FLNB: variants seen among roughly 807,000 people sequenced by gnomAD.
FLNB encodes the protein filamin-B.
A neutral mutation model predicts 250.6 loss-of-function variants in FLNB; 111 were observed. The observed-to-expected ratio is 0.44, with a 90% CI of 0.38 to 0.52. FLNB has a LOEUF of 0.52. Ranked by LOEUF, FLNB falls within the 20% of genes least tolerant of loss-of-function variation. The pLI is 0.00. For missense variants in FLNB, 2,869 were observed against 3,447.8 expected (o/e 0.83, Z 4.20); for synonymous variants, 1,302 against 1,372.1 (o/e 0.95, Z 1.13).
intron 19 of FLNB, among the ~76,000 whole-genome samples, chr3:58,119,934 A>G (rs116325854): frequency 9.2e-5 from 14 of 152,172 alleles, no homozygotes; most frequent in African/African-American, 3.1e-4. Flanking sequence ...CTCGGGAATC[A>G]TTCACTCCTA....
chr3:58,118,366 C>T (rs1486341610), intron 18 of FLNB, among the ~76,000 whole-genome samples: 1 of 152,080 alleles, frequency 6.6e-6, no homozygotes, highest in Non-Finnish European at 1.5e-5. Context: ...GGTGAGTGGC[C>T]CCAGGCCCAG....
At position 58,111,853 on chromosome 3, in the gene FLNB, G is replaced by A; in HGVS notation, c.2547G>A (p.Lys849=). ...CTTCCCACGATGCCAGCAAAGTGAA[G>A]GCAGAAGGCCCAGGGCTCAGCAAAG... ...VDPSHDASKV[K]AEGPGLSKAG... Residue 849 remains lysine, a synonymous_variant, in exon 17 of 46, where the codon AAG becomes AAA. Coordinates refer to ENST00000295956, the MANE Select transcript of FLNB (RefSeq NM_001457.4). 6.2e-7 allele frequency: 1 copy of A among 1,614,160 alleles called. No homozygotes were observed. The highest frequency in any genetic ancestry group is 8.5e-7 in the Non-Finnish European group (1 of 1,180,008).
intron 1 of FLNB, among the ~76,000 whole-genome samples, chr3:58,023,128 T>A (rs1402149505): frequency 3.4e-5 from 5 of 148,580 alleles, no homozygotes; most frequent in Non-Finnish European, 7.4e-5. Context: ...TTTTTTTTTT[T>A]TGAAATGATG....
chr3:58,083,286 G>A (rs2097211890), intron 4 of FLNB, among the ~76,000 whole-genome samples: 1 of 147,316 alleles, frequency 6.8e-6, no homozygotes, highest in South Asian at 2.2e-4. Context: ...GAATAGTTAA[G>A]GGCATGTGTC....
rs138813403 is a variant in FLNB at position 58,131,250 on chromosome 3, G to A, written c.4390+342G>A. Among the ~76,000 whole-genome samples, 1,368 of 152,270 alleles carry A rather than the reference G, an allele frequency of 9.0e-3. 21 individuals carry two copies. Among genetic ancestry groups the A allele is most frequent in the Middle Eastern group, 0.048 (14 of 294 alleles). ...TTGCTCTGGATGTGGCAGATGGTGGGGTTTGGAGGTGATAACTCATTGAGA... is the reference window on the plus strand; with the variant it reads ...TTGCTCTGGATGTGGCAGATGGTGGAGTTTGGAGGTGATAACTCATTGAGA... On this transcript the variant is annotated intron_variant, in intron 25 of 45. Coordinates refer to ENST00000295956, the MANE Select transcript of FLNB (RefSeq NM_001457.4).
At chr3:58,144,194 C>T (rs1346262134) in intron 32 of FLNB, among the ~76,000 whole-genome samples, 2 of 152,162 alleles carry the variant, frequency 1.3e-5, no homozygotes, top group Non-Finnish European at 2.9e-5. Flanking sequence ...TTCCTTCCTA[C>T]CCCTCTCCTT....
intron 1 of FLNB, among the ~76,000 whole-genome samples, chr3:58,029,836 G>C (rs2097128402): frequency 6.9e-6 from 1 of 143,982 alleles, no homozygotes; most frequent in East Asian, 2.1e-4. Context: ...TGGGAGTCAG[G>C]CACCTCTGGG....
At chr3:58,082,058 G>A (rs2097209923) in intron 4 of FLNB, among the ~76,000 whole-genome samples, 1 of 152,148 alleles carries the variant, frequency 6.6e-6, no homozygotes, top group Non-Finnish European at 1.5e-5. Flanking sequence ...GGAATCGCGG[G>A]GTAGGGAGTC....
intron 41 of FLNB, among the ~76,000 whole-genome samples, chr3:58,157,619 G>T (rs1357582846): frequency 3.3e-5 from 5 of 152,154 alleles, no homozygotes; most frequent in Non-Finnish European, 7.3e-5. Flanking sequence ...GTCTTTTGTG[G>T]CCAACTTAAC....
chr3:58,136,746 CTTTTT>C (rs57053256), intron 28 of FLNB, among the ~76,000 whole-genome samples: 20 of 79,814 alleles, frequency 2.5e-4, no homozygotes, highest in Admixed American at 1.4e-3. Flanking sequence ...ACAGGCCATT[CTTTTT>C]TTTTTTTTTT....
chr3:58,024,189 C>T (rs375464811), intron 1 of FLNB, among the ~76,000 whole-genome samples: 1 of 152,174 alleles, frequency 6.6e-6, no homozygotes, highest in South Asian at 2.1e-4. Flanking sequence ...GGATACAGAT[C>T]CAGCCACTTC....
intron 38 of FLNB, 74 bp downstream of exon 38, chr3:58,150,301 A>G: frequency 6.4e-7 from 1 of 1,563,820 alleles, no homozygotes; most frequent in South Asian, 1.1e-5. Context: ...TTTGGGAACC[A>G]AGTTTAGGCA....
chr3:58,029,642 T>C (rs2097128098), intron 1 of FLNB, among the ~76,000 whole-genome samples: 1 of 152,012 alleles, frequency 6.6e-6, no homozygotes, highest in Non-Finnish European at 1.5e-5. Context: ...TAGCTGGGAA[T>C]ACAGGCACCT....
At chr3:58,168,411 A>C (rs1279563348) in intron 43 of FLNB, 29 bp from the exon 44 acceptor site, 3 of 1,576,116 alleles carry the variant, frequency 1.9e-6, no homozygotes, top group Non-Finnish European at 2.6e-6. Context: ...CAAGTCATCA[A>C]CACAGCATTT....
chr3:58,102,404 T>C (rs1391411679), intron 9 of FLNB, 64 bp downstream of exon 9: 2 of 1,558,286 alleles, frequency 1.3e-6, no homozygotes, highest in African/African-American at 2.7e-5. Flanking sequence ...CCATGGCATA[T>C]GGATTTCATC....
intron 1 of FLNB, among the ~76,000 whole-genome samples, chr3:58,055,986 T>C (rs568373769): frequency 6.6e-6 from 1 of 152,208 alleles, no homozygotes; most frequent in African/African-American, 2.4e-5. Flanking sequence ...GAAAATCTGA[T>C]TTCTTTGGTG....
At chr3:58,071,010 T>C (rs902764787) in intron 1 of FLNB, among the ~76,000 whole-genome samples, 8 of 151,324 alleles carry the variant, frequency 5.3e-5, no homozygotes, top group Non-Finnish European at 1.0e-4. Flanking sequence ...TGCAGTGGCG[T>C]GATCATGGTT....
intron 27 of FLNB, 92 bp from the exon 28 acceptor site, chr3:58,135,887 A>G (rs1268110583): frequency 2.4e-6 from 3 of 1,271,744 alleles, no homozygotes; most frequent in Admixed American, 1.9e-5. Context: ...TGTTTCCACT[A>G]GAGGCACTAA....
rs116115589 is a variant in FLNB at position 58,155,716 on chromosome 3, G to C, written c.6773-244G>C. On this transcript the variant is annotated intron_variant, in intron 40 of 45. Transcript: ENST00000295956. ...AATTTTTTCCCCATTGAAGTCCATG[G>C]ATCTGCTGAATTCAATACAGGCCAT... 0.012 allele frequency among the ~76,000 whole-genome samples: 1,761 copies of C among 152,258 alleles called. 31 individuals are homozygous for C. Among genetic ancestry groups the C allele is most frequent in the African/African-American group, 0.04 (1,666 of 41,530 alleles).
Sources: allele counts gnomAD v4.1 joint callset (sites outside exome capture counted in the v4.1 genomes callset), GRCh38; gene constraint gnomAD v4.1.1; transcripts MANE v1.5; gene names NCBI Gene and HGNC (gene_info 2026-07-23, HGNC 2026-07-21).